The following PPP2CB variants were observed in gnomAD, a reference collection of about 807,000 sequenced individuals.
PPP2CB encodes the protein serine/threonine-protein phosphatase 2A catalytic subunit beta isoform.
Under a neutral mutation model 39.1 loss-of-function variants are expected in PPP2CB, and 18 were observed. The ratio of observed to expected loss-of-function variants is 0.46; its 90% CI spans 0.32 to 0.68. The LOEUF (loss-of-function observed/expected upper bound fraction) is 0.68, where lower values mean the gene tolerates loss of function less well. PPP2CB is among the 30% of genes least tolerant of loss of function. The pLI is 0.04. For missense variants in PPP2CB, 226 were observed against 396.9 expected, an observed-to-expected ratio of 0.57 and a Z score of 3.66; for synonymous variants, 129 against 133.8, an observed-to-expected ratio of 0.96 and a Z score of 0.25.
At chr8:30,805,452 C>A (rs188219771) in intron 1 of PPP2CB, among the ~76,000 whole-genome samples, 1 of 151,982 alleles carries the variant, frequency 6.6e-6, no homozygotes, top group African/African-American at 2.4e-5. Context: ...CCCAGCTACT[C>A]GGGAGGCTGG....
At chr8:30,798,091 G>C (rs1357232496) in intron 2 of PPP2CB, among the ~76,000 whole-genome samples, 1 of 152,004 alleles carries the variant, frequency 6.6e-6, no homozygotes, top group Admixed American at 6.6e-5. Flanking sequence ...AATCTTTCTA[G>C]AACACTATGA....
intron 1 of PPP2CB, among the ~76,000 whole-genome samples, chr8:30,803,639 A>C (rs1019532633): frequency 2.0e-5 from 3 of 152,232 alleles, no homozygotes; most frequent in African/African-American, 2.4e-5. Context: ...TTCTTTCCCA[A>C]GTGATTCTCA....
chr8:30,797,839 A>G, intron 2 of PPP2CB, 85 bp from the exon 3 acceptor site: 1 of 1,380,024 alleles, frequency 7.2e-7, no homozygotes, highest in Non-Finnish European at 9.8e-7. Flanking sequence ...CCCATTTTTA[A>G]ACACGGCGCT....
chr8:30,812,567 G>C lies in PPP2CB; in HGVS notation c.-146C>G. 1 of 434,548 alleles carries C rather than the reference G, an allele frequency of 2.3e-6. No homozygotes were observed. The highest frequency in any genetic ancestry group is 6.7e-4 in the Middle Eastern group (1 of 1,488). The allele number at this position is 434,548 out of a possible 1,614,324, so 26.9% of individuals were successfully genotyped here. Reference sequence around the variant, plus strand: ...TCCCACAGGGGGAGGACTGAGCCGGGTAGGGCGGCCGCGGGCCCCGCGCCC... The same window carrying C: ...TCCCACAGGGGGAGGACTGAGCCGGCTAGGGCGGCCGCGGGCCCCGCGCCC... On this transcript the variant is annotated 5_prime_UTR_variant, in exon 1 of 7. Transcript: ENST00000221138.
At chr8:30,791,175 A>G in intron 6 of PPP2CB, 22 bp downstream of exon 6, 1 of 1,485,232 alleles carries the variant, frequency 6.7e-7, no homozygotes, top group Non-Finnish European at 9.3e-7. Flanking sequence ...AGTATATACA[A>G]TTAAAATTTA....
At chr8:30,808,438 AT>A (rs1806761821) in intron 1 of PPP2CB, among the ~76,000 whole-genome samples, 1 of 152,182 alleles carries the variant, frequency 6.6e-6, no homozygotes, top group South Asian at 2.1e-4. Flanking sequence ...TAGAATAGAA[AT>A]TTAAGGAAAA....
chr8:30,799,322 G>T (rs531634917), intron 2 of PPP2CB, among the ~76,000 whole-genome samples: 1 of 152,250 alleles, frequency 6.6e-6, no homozygotes, highest in Admixed American at 6.5e-5. Flanking sequence ...AGTCAAATAT[G>T]ATTCCAAGAC....
At chr8:30,800,975 G>C (rs974072073) in intron 1 of PPP2CB, among the ~76,000 whole-genome samples, 1 of 152,002 alleles carries the variant, frequency 6.6e-6, no homozygotes, top group Admixed American at 6.6e-5. Context: ...GGGAGGCCGA[G>C]GGGGGAGGAT....
intron 1 of PPP2CB, among the ~76,000 whole-genome samples, chr8:30,811,909 G>A (rs1228373531): frequency 6.6e-6 from 1 of 152,194 alleles, no homozygotes; most frequent in Non-Finnish European, 1.5e-5. Context: ...TGCATTTTCA[G>A]AAACTGGTCT....
chr8:30,793,654 TAC>T (rs1806474363), intron 5 of PPP2CB: 1 of 314,696 alleles, frequency 3.2e-6, no homozygotes, highest in Non-Finnish European at 5.8e-6. Context: ...GTAAAATATT[TAC>T]AGTCAGGAAT....
intron 6 of PPP2CB, among the ~76,000 whole-genome samples, chr8:30,789,105 G>A (rs1246789701): frequency 2.0e-5 from 3 of 150,328 alleles, no homozygotes; most frequent in South Asian, 2.1e-4. Flanking sequence ...CTGCAATGGC[G>A]TGATCGCCGC....
At chr8:30,792,071 T>C (rs1036094385) in intron 5 of PPP2CB, among the ~76,000 whole-genome samples, 5 of 151,420 alleles carry the variant, frequency 3.3e-5, no homozygotes, top group African/African-American at 1.2e-4. Context: ...TGTGTGTATA[T>C]ACACACACAC....
chr8:30,802,605 A>C (rs555702850), intron 1 of PPP2CB, among the ~76,000 whole-genome samples: 2 of 152,170 alleles, frequency 1.3e-5, no homozygotes, highest in African/African-American at 4.8e-5. Flanking sequence ...TCAGCCTCCT[A>C]AAGTGCTGAG....
intron 1 of PPP2CB, among the ~76,000 whole-genome samples, chr8:30,808,452 C>T (rs4733516): frequency 0.42 from 63,240 of 151,934 alleles, 17,321 homozygotes; most frequent in African/African-American, 0.78. Flanking sequence ...AAGGAAAAAC[C>T]ACCATCATAC....
intron 1 of PPP2CB, among the ~76,000 whole-genome samples, chr8:30,808,039 T>C (rs1012535232): frequency 1.1e-4 from 17 of 152,204 alleles, no homozygotes; most frequent in Admixed American, 3.3e-4. Flanking sequence ...GATTTTATTT[T>C]TGCAACTACC....
At position 30,794,017 on chromosome 8, in the gene PPP2CB, G is replaced by T; in HGVS notation, c.638C>A (p.Pro213Gln). ...TCCAAATGTGTAGCCAGCACCACGT[G>T]GTGAAATACCCCATCCACCACGATC... ...PDDRGGWGIS[P>Q]RGAGYTFGQD... Residue 213 changes from proline (P) to glutamine (Q), a missense_variant, in exon 5 of 7, where the codon CCA (proline) becomes CAA (glutamine). Pro to Gln is a moderately conservative substitution (Grantham distance 76, BLOSUM62 -1). Coordinates refer to ENST00000221138, the MANE Select transcript of PPP2CB (RefSeq NM_001009552.2). 1 of 1,613,082 alleles carries T rather than the reference G, an allele frequency of 6.2e-7. No individual in the cohort carries two copies. Among genetic ancestry groups the T allele is most frequent in the Non-Finnish European group, 8.5e-7 (1 of 1,179,542 alleles).
At chr8:30,805,610 C>CA (rs540648583) in intron 1 of PPP2CB, among the ~76,000 whole-genome samples, 166 of 152,140 alleles carry the variant, frequency 1.1e-3, no homozygotes, top group African/African-American at 3.8e-3. Context: ...CTACAGCCTA[C>CA]ACACCGTATC....
chr8:30,809,379 G>A (rs1001022453), intron 1 of PPP2CB, among the ~76,000 whole-genome samples: 1 of 152,142 alleles, frequency 6.6e-6, no homozygotes, highest in East Asian at 1.9e-4. Context: ...CAACAAGGAG[G>A]ATGGGGTAGG....
intron 1 of PPP2CB, among the ~76,000 whole-genome samples, chr8:30,807,624 T>C (rs1229512204): frequency 2.0e-5 from 3 of 152,210 alleles, no homozygotes; most frequent in Non-Finnish European, 2.9e-5. Context: ...TAAAGAATCA[T>C]CACCAAGGTT....
Sources: allele counts gnomAD v4.1 joint callset (sites outside exome capture counted in the v4.1 genomes callset), GRCh38; gene constraint gnomAD v4.1.1; transcripts MANE v1.5; gene names NCBI Gene and HGNC (gene_info 2026-07-23, HGNC 2026-07-21).